The following IQSEC1 variants were observed in gnomAD, a reference collection of about 807,000 sequenced individuals.
IQSEC1 encodes the protein IQ motif and Sec7 domain ArfGEF 1.
IQSEC1 carries 31 observed loss-of-function variants against 91.0 expected under a neutral mutation model. That is an observed-to-expected ratio of 0.34 (90% CI 0.26 to 0.46). The LOEUF (loss-of-function observed/expected upper bound fraction) is 0.46. Among genes scored for constraint, IQSEC1 ranks in the 20% least tolerant of loss-of-function variants. The probability of loss-of-function intolerance (pLI) is 1.00; values close to 1 mark genes in which losing one functional copy is unlikely to be tolerated. For missense variants in IQSEC1, 1,388 were observed against 1,575.6 expected (o/e 0.88, Z 2.02); for synonymous variants, 699 against 662.6 (o/e 1.05, Z -0.84).
At chr3:13,197,944 C>T (rs1457251268) in intron 1 of IQSEC1, among the ~76,000 whole-genome samples, 3 of 152,210 alleles carry the variant, frequency 2.0e-5, no homozygotes, top group Non-Finnish European at 2.9e-5. Context: ...GTGGTGCCCG[C>T]GGCTTGGATG....
chr3:12,977,511 C>T (rs1363255329), intron 1 of IQSEC1, among the ~76,000 whole-genome samples: 1 of 152,198 alleles, frequency 6.6e-6, no homozygotes, highest in Non-Finnish European at 1.5e-5. Context: ...GAGAAAGCTG[C>T]AAGGGCTTGC....
At position 13,263,644 on chromosome 3, in the gene IQSEC1, T is replaced by C. The variant is rs7651652; in HGVS notation, c.272+19067A>G. ...TTTTTAGTAGAGATGGGATTTCACA[T>C]GTTGGCCAGGCTGGTCTTGAACTCC... is the stretch of plus-strand genomic sequence containing the variant. On this transcript the variant is annotated intron_variant, in intron 1 of 15. Transcript: ENST00000648114. Among the ~76,000 whole-genome samples, 1,479 of 152,294 alleles carry C rather than the reference T, an allele frequency of 9.7e-3. 29 individuals carry two copies. The highest frequency in any genetic ancestry group is 0.034 in the African/African-American group (1,409 of 41,548).
At chr3:13,140,918 G>A (rs1166431328) in intron 2 of IQSEC1, among the ~76,000 whole-genome samples, 1 of 152,196 alleles carries the variant, frequency 6.6e-6, no homozygotes, top group Non-Finnish European at 1.5e-5. Context: ...GTGTCATAGT[G>A]TGCGCCTGTG....
At chr3:13,021,119 T>C (rs1703376366) in intron 1 of IQSEC1, among the ~76,000 whole-genome samples, 1 of 152,182 alleles carries the variant, frequency 6.6e-6, no homozygotes, top group South Asian at 2.1e-4. Context: ...TCCAAATAGG[T>C]GGCTGCCCCT....
At position 12,967,949 on chromosome 3, in the gene IQSEC1, C is replaced by T. The variant is rs996746223; in HGVS notation, c.24-26084G>A. ...GCTACGCGCAGGGGCGGGGCCGAGC[C>T]GAGGCGCGGGGTGCAGAGCGCAAGG... On this transcript the variant is annotated intron_variant, in intron 1 of 13. Coordinates refer to ENST00000613206, the MANE Select transcript of IQSEC1 (RefSeq NM_001134382.3). The surrounding 1 kb of genome is among the most constrained non-coding windows in gnomAD (Gnocchi z 5.9). Among the ~76,000 whole-genome samples the T allele has an allele frequency of 3.3e-5, 5 of 151,972 alleles. No homozygotes were observed. Among genetic ancestry groups the T allele is most frequent in the African/African-American group, 4.8e-5 (2 of 41,404 alleles).
At chr3:13,190,268 G>A (rs188538389) in intron 1 of IQSEC1, among the ~76,000 whole-genome samples, 1 of 152,178 alleles carries the variant, frequency 6.6e-6, no homozygotes, top group African/African-American at 2.4e-5. Context: ...CTTAGGCGGC[G>A]GATGCTCCAT....
intron 2 of IQSEC1, among the ~76,000 whole-genome samples, chr3:13,086,755 G>A (rs559788409): frequency 3.0e-4 from 45 of 152,294 alleles, no homozygotes; most frequent in Non-Finnish European, 4.9e-4. Flanking sequence ...GCAATCACCT[G>A]CAAGGGAGGC....
rs1473428735 is a variant in IQSEC1, at chr3:13,111,035, G to A, written c.302+53069C>T. 3.9e-5 allele frequency among the ~76,000 whole-genome samples: 6 copies of A among 152,182 alleles called. No individual in the cohort carries two copies. The East Asian group carries it at 9.6e-4, about 24-fold the overall frequency. Reference sequence around the variant, plus strand: ...AAGTGGGTGAGAAACTAAGAGGAACGGCCAGGGCCCCTGCCACCCAGCAAA... The same window carrying A: ...AAGTGGGTGAGAAACTAAGAGGAACAGCCAGGGCCCCTGCCACCCAGCAAA... On this transcript the variant is annotated intron_variant, in intron 2 of 15. Transcript: ENST00000648114.
At chr3:12,952,098 G>A (rs999009821) in intron 1 of IQSEC1, among the ~76,000 whole-genome samples, 6 of 152,166 alleles carry the variant, frequency 3.9e-5, no homozygotes, top group African/African-American at 7.2e-5. Context: ...ACCCCTACAG[G>A]GCGTGGCGGG....
upstream of IQSEC1, among the ~76,000 whole-genome samples, chr3:13,074,607 G>T (rs78936286): frequency 9.2e-5 from 14 of 152,320 alleles, no homozygotes; most frequent in African/African-American, 3.1e-4. Flanking sequence ...TAAAGCCAGA[G>T]GTTCAGCAAC....
In IQSEC1 at chr3:13,282,298, A is replaced by T. The variant is rs530593106; in HGVS notation, c.272+413T>A. Among the ~76,000 whole-genome samples the T allele has an allele frequency of 1.3e-5, 2 of 151,474 alleles. No individual in the cohort carries two copies. Among genetic ancestry groups the T allele is most frequent in the South Asian group, 4.2e-4 (2 of 4,760 alleles). On this transcript the variant is annotated intron_variant, in intron 1 of 15. Coordinates refer to the IQSEC1 transcript ENST00000648114. The surrounding 1 kb of genome is among the most constrained non-coding windows in gnomAD (Gnocchi z 6.4). Reference sequence around the variant, plus strand: ...CAGGGCGGGATCCGCGCGGCCCGCGACCCCTCCCTACCGGTCTCGGGATCT... The same window carrying T: ...CAGGGCGGGATCCGCGCGGCCCGCGTCCCCTCCCTACCGGTCTCGGGATCT...
chr3:13,263,439 G>GGA (rs1553581065), intron 1 of IQSEC1, among the ~76,000 whole-genome samples: 29 of 107,246 alleles, frequency 2.7e-4, no homozygotes, highest in Non-Finnish European at 4.7e-4. Context: ...GGGGGGGGGG[G>GGA]AAAGTACCTG....
intron 2 of IQSEC1, among the ~76,000 whole-genome samples, chr3:13,078,474 C>A (rs1409995681): frequency 6.6e-6 from 1 of 152,168 alleles, no homozygotes; most frequent in Non-Finnish European, 1.5e-5. Flanking sequence ...CCCCTCAAAC[C>A]CTGCACCTCT....
chr3:13,221,553 G>GTTGGGGTGGGAGTCCACAGGTGGGGGC (rs1694660943), intron 1 of IQSEC1, among the ~76,000 whole-genome samples: 1 of 131,806 alleles, frequency 7.6e-6, no homozygotes, highest in African/African-American at 2.8e-5. Context: ...ACCCCAGGCC[G>GTTGGGGTGGGAGTCCACAGGTGGGGGC]CCTGGCCAAG....
At chr3:12,931,990 T>A (rs1236574766) in intron 3 of IQSEC1, among the ~76,000 whole-genome samples, 1 of 152,246 alleles carries the variant, frequency 6.6e-6, no homozygotes, top group African/African-American at 2.4e-5. Flanking sequence ...GGTGCCCGTG[T>A]CATCATGAAG....
intron 2 of IQSEC1, among the ~76,000 whole-genome samples, chr3:13,128,424 T>C (rs1706553324): frequency 6.6e-6 from 1 of 152,222 alleles, no homozygotes; most frequent in South Asian, 2.1e-4. Context: ...TAATGAATCA[T>C]ATGATGTCTC....
intron 1 of IQSEC1, among the ~76,000 whole-genome samples, chr3:13,246,418 CTGGAGA>C (rs1695109027): frequency 6.6e-6 from 1 of 152,134 alleles, no homozygotes; most frequent in Admixed American, 6.6e-5. Context: ...GGAAAACATT[CTGGAGA>C]TGGACGGTGG....
intron 2 of IQSEC1, among the ~76,000 whole-genome samples, chr3:13,126,630 C>T (rs1018191347): frequency 6.6e-6 from 1 of 152,232 alleles, no homozygotes; most frequent in Non-Finnish European, 1.5e-5. Context: ...TACCATTTCA[C>T]ATTCCCACCA....
intron 1 of IQSEC1, among the ~76,000 whole-genome samples, chr3:12,972,360 T>C (rs866042904): frequency 2.8e-4 from 43 of 152,006 alleles, no homozygotes; most frequent in Middle Eastern, 6.8e-3. Context: ...GAAGGTCTTC[T>C]GACATCTTCT....
Sources: allele counts gnomAD v4.1 joint callset (sites outside exome capture counted in the v4.1 genomes callset), GRCh38; gene constraint gnomAD v4.1.1; non-coding constraint Gnocchi (gnomAD v3.1); transcripts MANE v1.5; gene names NCBI Gene and HGNC (gene_info 2026-07-23, HGNC 2026-07-21).